C1orf146: variants seen among roughly 807,000 people sequenced by gnomAD.
C1orf146 encodes the protein protein SPO16 homolog.
A neutral mutation model predicts 23.0 loss-of-function variants in C1orf146; 22 were observed. The ratio of observed to expected loss-of-function variants is 0.96; its 90% CI spans 0.68 to 1.36. The LOEUF (loss-of-function observed/expected upper bound fraction) is 1.36, where lower values mean the gene tolerates loss of function less well. Among genes scored for constraint, C1orf146 ranks in the 40% most tolerant of loss-of-function variants. The probability of loss-of-function intolerance (pLI) is 0.00; values close to 1 mark genes in which losing one functional copy is unlikely to be tolerated. For synonymous variants in C1orf146, 59 were observed against 65.3 expected (o/e 0.90, Z 0.47); for missense variants, 199 against 206.8 (o/e 0.96, Z 0.23).
chr1:92,236,974 A>G (rs1431475406), intron 2 of C1orf146, among the ~76,000 whole-genome samples: 2 of 152,080 alleles, frequency 1.3e-5, no homozygotes, highest in Non-Finnish European at 1.5e-5. Context: ...TCCTTTAAGC[A>G]CTTCTCTGTA....
chr1:92,233,164 G>A (rs375458265), intron 2 of C1orf146, among the ~76,000 whole-genome samples: 86 of 152,222 alleles, frequency 5.6e-4, no homozygotes, highest in South Asian at 2.3e-3. Context: ...TTTTGGTATT[G>A]TAGACGTGAA....
intron 5 of C1orf146, among the ~76,000 whole-genome samples, chr1:92,245,185 ATGGAATGTCATCTACCAAT>A (rs1261072356): frequency 1.3e-5 from 2 of 152,290 alleles, no homozygotes; most frequent in African/African-American, 4.8e-5. Context: ...ATACTACCTT[ATGGAATGTCATCTACCAAT>A]TGTCTACTTT....
intron 1 of C1orf146, among the ~76,000 whole-genome samples, chr1:92,230,954 G>A (rs892036536): frequency 6.6e-6 from 1 of 152,168 alleles, no homozygotes; most frequent in African/African-American, 2.4e-5. Flanking sequence ...CCATCACCCT[G>A]TGGGAATTGG....
chr1:92,229,596 C>T (rs1338812466), intron 1 of C1orf146, among the ~76,000 whole-genome samples: 3 of 152,086 alleles, frequency 2.0e-5, no homozygotes, highest in Admixed American at 6.5e-5. Context: ...CAGTGTGCAG[C>T]AAGAACAAGA....
intron 2 of C1orf146, among the ~76,000 whole-genome samples, chr1:92,238,465 C>T (rs1450493742): frequency 3.3e-5 from 5 of 152,036 alleles, no homozygotes; most frequent in East Asian, 1.9e-4. Flanking sequence ...TATTTCAATC[C>T]GGAGCATCTT....
chr1:92,241,340 A>T (rs1346856655), intron 2 of C1orf146, among the ~76,000 whole-genome samples: 1 of 151,980 alleles, frequency 6.6e-6, no homozygotes, highest in Non-Finnish European at 1.5e-5. Context: ...GCCTGTGAGT[A>T]GCTGGGACTA....
At position 92,244,374 on chromosome 1, in the gene C1orf146, G is replaced by C. The variant is rs762814187; in HGVS notation, c.318G>C (p.Arg106Ser). The C allele has an allele frequency of 1.9e-6, 3 of 1,601,670 alleles. No individual in the cohort carries two copies. The highest frequency in any genetic ancestry group is 4.5e-5 in the East Asian group (2 of 44,776). Residue 106 changes from arginine (R) to serine (S), a missense_variant, in exon 4 of 6, where the codon AGG becomes AGC. By Grantham distance (110) the Arg-to-Ser change is moderately radical. Transcript: ENST00000370375. ...HGPEEWKLMFRIQQRFLGCNL... is the reference protein window; with the variant it reads ...HGPEEWKLMFSIQQRFLGCNL... ...CTGAAGAATGGAAACTGATGTTCAG[G>C]ATTCAGCAGAGGTATGGAAGAATAG...
At chr1:92,228,519 G>C (rs1046044293) in intron 1 of C1orf146, among the ~76,000 whole-genome samples, 5 of 152,240 alleles carry the variant, frequency 3.3e-5, no homozygotes, top group African/African-American at 1.2e-4. Flanking sequence ...TTTGCTTCTG[G>C]CAGAGAGTTT....
At chr1:92,231,871 A>T (rs1652130647) in intron 2 of C1orf146, among the ~76,000 whole-genome samples, 1 of 152,100 alleles carries the variant, frequency 6.6e-6, no homozygotes, top group African/African-American at 2.4e-5. Flanking sequence ...CTGTCTCCTT[A>T]TGGTTTGGAG....
In C1orf146 at chr1:92,227,610, GTC is replaced by G. The variant is rs201140867; in HGVS notation, c.-39-3768_-39-3767del. Among the ~76,000 whole-genome samples, 950 of 152,198 alleles carry G rather than the reference GTC, an allele frequency of 6.2e-3. 8 individuals carry two copies. The highest frequency in any genetic ancestry group is 0.022 in the African/African-American group (921 of 41,528). The stretch of plus-strand genomic sequence containing the variant: ...TAAGTGTGGGTCTACTGATGATGAA[GTC>G]TCTGATTTTATTTTTGTCATAAAAT... On this transcript the variant is annotated intron_variant, in intron 1 of 5. Transcript: ENST00000370375.
chr1:92,231,962 T>C (rs1036300780), intron 2 of C1orf146, among the ~76,000 whole-genome samples: 1 of 152,158 alleles, frequency 6.6e-6, no homozygotes, highest in African/African-American at 2.4e-5. Flanking sequence ...ACAAGACTTC[T>C]CCATTGCCCT....
chr1:92,244,510 T>A, intron 4 of C1orf146, 125 bp downstream of exon 4: 1 of 784,106 alleles, frequency 1.3e-6, no homozygotes, highest in Non-Finnish European at 2.0e-6. Context: ...TCAAATTTAA[T>A]GAAACATGGG....
Position 92,217,936 on chromosome 1 carries a change from C to G in C1orf146, c.-152C>G, listed in dbSNP as rs1482989282. On this transcript the variant is annotated 5_prime_UTR_variant, in exon 1 of 6. Coordinates refer to ENST00000370375, the MANE Select transcript of C1orf146 (RefSeq NM_001012425.2). ...GCGCAGAAGCCCAGCGACTGCAGAA[C>G]CCTGCCCCAGGCACCCTGGGCGCTC... 1 of 152,260 alleles carries G rather than the reference C, an allele frequency of 6.6e-6. No homozygotes were observed. Among genetic ancestry groups the G allele is most frequent in the Non-Finnish European group, 1.5e-5 (1 of 68,082 alleles). 9.4% of individuals were successfully genotyped at this position (152,260 alleles called of 1,614,324 possible). A position where few individuals can be genotyped will look rare whatever the true frequency, so the allele number is the denominator to read the frequency against.
At chr1:92,244,986 G>A in intron 5 of C1orf146, 129 bp downstream of exon 5, 2 of 555,838 alleles carry the variant, frequency 3.6e-6, no homozygotes, top group Middle Eastern at 2.7e-4. Flanking sequence ...GCTGTTTCAG[G>A]GTGCAACTTT....
rs759592335 is a variant in C1orf146, at chr1:92,245,525, T to G, written c.409-15T>G. 1 of 1,575,310 alleles carries G rather than the reference T, an allele frequency of 6.3e-7. No homozygotes were observed. The highest frequency in any genetic ancestry group is 1.9e-5 in the Admixed American group (1 of 51,288). On this transcript the variant is annotated splice_polypyrimidine_tract_variant and intron_variant, in intron 5 of 5. Transcript: ENST00000370375. ...ATTTCTGTAAATAATGCTGCATCTT[T>G]ATATCTTCTTCCAGACTACCTCCAA...
intron 2 of C1orf146, among the ~76,000 whole-genome samples, chr1:92,237,609 G>T (rs1301478374): frequency 6.6e-6 from 1 of 152,198 alleles, no homozygotes; most frequent in Non-Finnish European, 1.5e-5. Context: ...TGCGTGCTGG[G>T]AGAACCACTG....
intron 3 of C1orf146, among the ~76,000 whole-genome samples, chr1:92,243,320 GCTCA>G (rs1427045801): frequency 8.6e-5 from 13 of 152,022 alleles, no homozygotes; most frequent in African/African-American, 2.9e-4. Flanking sequence ...GCAGATATCT[GCTCA>G]CTGAGTGTAT....
At position 92,242,222 on chromosome 1, in the gene C1orf146, T is replaced by C; in HGVS notation, c.77T>C (p.Val26Ala). The C allele has an allele frequency of 1.3e-6, 2 of 1,581,626 alleles. No individual in the cohort carries two copies. Among genetic ancestry groups the C allele is most frequent in the Non-Finnish European group, 1.7e-6 (2 of 1,158,688 alleles). ...IISSSLKSYE[V>A]ATALENRSHK... is the part of the protein sequence containing the mutation. ...TATTTTTTAAAAAAGAGTTATGAAGTTGCAACTGCCCTAGAAAATCGAAGC... is the reference window on the plus strand; with the variant it reads ...TATTTTTTAAAAAAGAGTTATGAAGCTGCAACTGCCCTAGAAAATCGAAGC... The change falls in exon 3 of 6, where the codon GTT (valine) becomes GCT (alanine). Residue 26 changes from valine (V) to alanine (A), a missense_variant. Val to Ala is a moderately conservative substitution (Grantham distance 64, BLOSUM62 0). Transcript: ENST00000370375.
chr1:92,229,896 T>C (rs894732616), intron 1 of C1orf146, among the ~76,000 whole-genome samples: 1 of 152,160 alleles, frequency 6.6e-6, no homozygotes, highest in African/African-American at 2.4e-5. Flanking sequence ...GTTTTCAGTC[T>C]CAATGAAATT....
Sources: gnomAD v4.1 joint callset for allele counts (sites outside exome capture counted in the v4.1 genomes callset) on GRCh38, gnomAD v4.1.1 for gene constraint, MANE v1.5 for transcripts, NCBI Gene and HGNC (gene_info 2026-07-23, HGNC 2026-07-21) for gene names.